INSC: variants seen among roughly 807,000 people sequenced by gnomAD.
INSC encodes the protein INSC spindle orientation adaptor protein.
INSC carries 67 observed loss-of-function variants against 58.6 expected under a neutral mutation model. That is an observed-to-expected ratio of 1.14 (90% CI 0.94 to 1.40). The LOEUF (loss-of-function observed/expected upper bound fraction) is 1.40, where lower values mean the gene tolerates loss of function less well. Among genes scored for constraint, INSC ranks in the 40% most tolerant of loss-of-function variants. The pLI is 0.00. For synonymous variants in INSC, 262 were observed against 276.1 expected, an observed-to-expected ratio of 0.95 and a Z score of 0.51; for missense variants, 714 against 692.0, an observed-to-expected ratio of 1.03 and a Z score of -0.36.
chr11:15,178,788 T>C (rs1849663248), intron 5 of INSC, among the ~76,000 whole-genome samples: 1 of 152,288 alleles, frequency 6.6e-6, no homozygotes, highest in South Asian at 2.1e-4. Context: ...CCAGAGCCTG[T>C]GTCCTGAAGA....
chr11:15,182,164 TA>T (rs1320902923), intron 5 of INSC, among the ~76,000 whole-genome samples: 1 of 152,196 alleles, frequency 6.6e-6, no homozygotes, highest in East Asian at 1.9e-4. Flanking sequence ...ATCACAGCAC[TA>T]CACATATATT....
At chr11:15,165,462 G>A (rs1849162476) in intron 2 of INSC, among the ~76,000 whole-genome samples, 1 of 152,142 alleles carries the variant, frequency 6.6e-6, no homozygotes, top group African/African-American at 2.4e-5. Flanking sequence ...TGCTAGTGAG[G>A]AAACTGAAGC....
chr11:15,132,833 T>C (rs182803416), intron 1 of INSC, among the ~76,000 whole-genome samples: 147 of 152,350 alleles, frequency 9.6e-4, no homozygotes, highest in African/African-American at 3.4e-3. Flanking sequence ...TCTGGCATAA[T>C]ATATTTTCCT....
In INSC at chr11:15,235,671, A is replaced by G. The variant is rs1852094904; in HGVS notation, c.1237+3A>G. The G allele has an allele frequency of 2.5e-6, 4 of 1,610,854 alleles. No individual in the cohort carries two copies. In the East Asian group the frequency reaches 8.9e-5, roughly 36 times the overall value. On this transcript the variant is annotated splice_donor_region_variant and intron_variant, in intron 10 of 12. Transcript: ENST00000379556. ...CTCTGACATCATTCAGGAAAATGGT[A>G]TGTCTTTGCAGCATTGTACATGTTA...
intron 7 of INSC, among the ~76,000 whole-genome samples, chr11:15,217,070 T>G (rs1251854145): frequency 6.6e-6 from 1 of 152,246 alleles, no homozygotes; most frequent in Non-Finnish European, 1.5e-5. Flanking sequence ...TTTTTCACAT[T>G]GCTGTAAGGA....
intron 8 of INSC, among the ~76,000 whole-genome samples, chr11:15,223,921 C>CTGAT (rs1319033269): frequency 2.6e-5 from 4 of 152,202 alleles, no homozygotes; most frequent in East Asian, 3.9e-4. Context: ...CATTACCCTC[C>CTGAT]TGATAGAACC....
At chr11:15,125,171 G>A (rs1847963542) in intron 1 of INSC, among the ~76,000 whole-genome samples, 1 of 152,188 alleles carries the variant, frequency 6.6e-6, no homozygotes, top group South Asian at 2.1e-4. Flanking sequence ...CCAGGAGGAA[G>A]CTATGTGAAT....
intron 12 of INSC, among the ~76,000 whole-genome samples, chr11:15,242,330 G>A (rs1852386201): frequency 6.6e-6 from 1 of 152,186 alleles, no homozygotes; most frequent in Non-Finnish European, 1.5e-5. Context: ...TTAATCACTT[G>A]AAGGACTTTC....
intron 11 of INSC, 104 bp downstream of exon 11, chr11:15,239,178 C>G (rs1233614918): frequency 1.4e-6 from 2 of 1,384,814 alleles, no homozygotes; most frequent in Non-Finnish European, 9.7e-7. Flanking sequence ...CAAGAGCTGG[C>G]TGGCATAAGC....
intron 7 of INSC, among the ~76,000 whole-genome samples, chr11:15,214,692 A>T (rs774080246): frequency 1.3e-5 from 2 of 152,202 alleles, no homozygotes; most frequent in Non-Finnish European, 2.9e-5. Context: ...CATATGCTGG[A>T]AACATAATCC....
chr11:15,178,314 T>C lies in INSC; in HGVS notation c.456-10T>C. The C allele has an allele frequency of 6.2e-7, 1 of 1,613,860 alleles. No homozygotes were observed. The highest frequency in any genetic ancestry group is 8.5e-7 in the Non-Finnish European group (1 of 1,179,998). On this transcript the variant is annotated splice_polypyrimidine_tract_variant and intron_variant, in intron 4 of 12. Coordinates refer to ENST00000379556, the MANE Select transcript of INSC (RefSeq NM_001042536.3). Reference sequence around the variant, plus strand: ...TTCCAGTGGCCCACCCCATGGTTTCTTCTCTTCAGGTGCCTTCAGGTTGAG... The same window carrying C: ...TTCCAGTGGCCCACCCCATGGTTTCCTCTCTTCAGGTGCCTTCAGGTTGAG...
intron 9 of INSC, among the ~76,000 whole-genome samples, chr11:15,230,020 ATATATATAT>A: frequency 1.9e-5 from 1 of 53,818 alleles, no homozygotes; most frequent in Non-Finnish European, 3.2e-5. Flanking sequence ...TATAATATAT[ATATATATAT>A]ATATATATAT....
At chr11:15,151,980 C>T (rs1848667610) in intron 2 of INSC, among the ~76,000 whole-genome samples, 1 of 152,178 alleles carries the variant, frequency 6.6e-6, no homozygotes, top group Admixed American at 6.5e-5. Flanking sequence ...TTGCAAACCC[C>T]CACAACAAAG....
chr11:15,178,890 G>A (rs1214571093), intron 5 of INSC, among the ~76,000 whole-genome samples: 1 of 152,196 alleles, frequency 6.6e-6, no homozygotes, highest in African/African-American at 2.4e-5. Flanking sequence ...CCTCTTCTCT[G>A]TTGAGTTAAT....
downstream of INSC, among the ~76,000 whole-genome samples, chr11:15,250,184 A>T (rs565993201): frequency 4.2e-4 from 64 of 152,266 alleles, no homozygotes; most frequent in African/African-American, 1.2e-3. Context: ...AAGAGTCACC[A>T]CTAGTTGGAA....
At position 15,114,977 on chromosome 11, in the gene INSC, G is replaced by T; in HGVS notation, c.-72G>T. 1.0e-6 allele frequency: 1 copy of T among 985,466 alleles called. No homozygotes were observed. The highest frequency in any genetic ancestry group is 4.7e-5 in the South Asian group (1 of 21,290). The allele number at this position is 985,466 out of a possible 1,614,324, so 61.0% of individuals were successfully genotyped here. A position where few individuals can be genotyped will look rare whatever the true frequency, so the allele number is the denominator to read the frequency against. ...TGCGCCCCGCCACCACTGGCCGCTCGCACTACCAGCCTGTCTCGCACGCTA... is the reference window on the plus strand; with the variant it reads ...TGCGCCCCGCCACCACTGGCCGCTCTCACTACCAGCCTGTCTCGCACGCTA... On this transcript the variant is annotated 5_prime_UTR_variant, in exon 1 of 13. Coordinates refer to ENST00000379556, the MANE Select transcript of INSC (RefSeq NM_001042536.3).
At chr11:15,177,835 CCT>C (rs1299766492) in intron 4 of INSC, among the ~76,000 whole-genome samples, 1 of 152,128 alleles carries the variant, frequency 6.6e-6, no homozygotes, top group Admixed American at 6.5e-5. Context: ...ACCTGATCCC[CCT>C]CTGTTTTTCT....
chr11:15,143,085 T>C (rs149374451), intron 1 of INSC, among the ~76,000 whole-genome samples: 3 of 152,268 alleles, frequency 2.0e-5, no homozygotes, highest in East Asian at 1.9e-4. Context: ...TGTCTATTGA[T>C]ATTATGCACA....
chr11:15,242,623 C>A (rs1422768410), intron 12 of INSC, among the ~76,000 whole-genome samples: 1 of 152,196 alleles, frequency 6.6e-6, no homozygotes, highest in African/African-American at 2.4e-5. Context: ...AGCCAGAACA[C>A]CCTGAACTGT....
Sources: gnomAD v4.1 joint callset for allele counts (sites outside exome capture counted in the v4.1 genomes callset) on GRCh38, gnomAD v4.1.1 for gene constraint, MANE v1.5 for transcripts, NCBI Gene and HGNC (gene_info 2026-07-23, HGNC 2026-07-21) for gene names.